The following YTHDF3 variants were observed in gnomAD, a reference collection of about 807,000 sequenced individuals.
YTHDF3 encodes YTH N6-methyladenosine RNA binding protein F3.
YTHDF3 carries 9 observed loss-of-function variants against 52.5 expected under a neutral mutation model. That is an observed-to-expected ratio of 0.17 (90% confidence interval 0.10 to 0.30). The LOEUF is 0.30. Among genes scored for constraint, YTHDF3 ranks in the 10% least tolerant of loss-of-function variants. The pLI is 1.00. For synonymous variants in YTHDF3, 274 were observed against 243.3 expected (o/e 1.13, Z -1.18); for missense variants, 534 against 715.0 (o/e 0.75, Z 2.89).
Position 63,201,483 on chromosome 8 carries a change from TA to T in YTHDF3, c.1735-8196del, listed in dbSNP as rs1156236528. Among the ~76,000 whole-genome samples the T allele has an allele frequency of 3.3e-5, 5 of 152,242 alleles. No homozygotes were observed. The East Asian group carries it at 9.6e-4, about 29-fold the overall frequency. On this transcript the variant is annotated intron_variant, in intron 4 of 4. Transcript: ENST00000539294. ...TCATTTCGTTAACAGTTAACATGCA[TA>T]AAATTGTACTTACTGTTGGTCTCTA... is the stretch of plus-strand genomic sequence containing the variant.
chr8:63,174,173 G>T (rs145951046), intron 2 of YTHDF3, among the ~76,000 whole-genome samples: 2 of 152,148 alleles, frequency 1.3e-5, no homozygotes, highest in African/African-American at 4.8e-5. Flanking sequence ...TGGTGATGTT[G>T]TACCTTTGAG....
intron 4 of YTHDF3, among the ~76,000 whole-genome samples, chr8:63,195,345 T>G (rs2150386183): frequency 6.6e-6 from 1 of 152,348 alleles, no homozygotes; most frequent in Admixed American, 6.5e-5. Context: ...TGATTTGTGT[T>G]GTTAGGAAGG....
chr8:63,175,455 C>G, intron 3 of YTHDF3, 39 bp downstream of exon 3: 1 of 1,464,180 alleles, frequency 6.8e-7, no homozygotes, highest in Non-Finnish European at 9.5e-7. Context: ...GGAAATTAAC[C>G]TTTTATTAGT....
intron 4 of YTHDF3, among the ~76,000 whole-genome samples, chr8:63,196,990 T>G (rs1435579866): frequency 6.6e-6 from 1 of 152,168 alleles, no homozygotes; most frequent in Non-Finnish European, 1.5e-5. Context: ...TGGCATTGTT[T>G]ATAGAGGATC....
chr8:63,209,667 G>GTTT lies in YTHDF3; in HGVS notation c.1735-6_1735-4dup, dbSNP rs55855007. Reference sequence around the variant, plus strand: ...ATTGTAATTCTTTTTGTGTGTGTGTGTTTTTTTTTTTTCAGGAGAGAAATA... The same window carrying GTTT: ...ATTGTAATTCTTTTTGTGTGTGTGTGTTTTTTTTTTTTTTTCAGGAGAGAAATA... On this transcript the variant is annotated splice_polypyrimidine_tract_variant and intron_variant, in intron 4 of 4. Coordinates refer to ENST00000539294, the MANE Select transcript of YTHDF3 (RefSeq NM_152758.6). 2.7e-5 allele frequency: 34 copies of GTTT among 1,249,182 alleles called. No homozygotes were observed. Among genetic ancestry groups the GTTT allele is most frequent in the South Asian group, 5.9e-5 (4 of 67,920 alleles). The allele number at this position is 1,249,182 out of a possible 1,614,324, so 77.4% of individuals were successfully genotyped here.
At chr8:63,172,959 A>T (rs1297128054) in intron 2 of YTHDF3, among the ~76,000 whole-genome samples, 1 of 152,014 alleles carries the variant, frequency 6.6e-6, no homozygotes, top group Admixed American at 6.6e-5. Context: ...TTTAAGATAC[A>T]CTTCCAAAAC....
chr8:63,188,255 C>T (rs1212784930), intron 4 of YTHDF3, among the ~76,000 whole-genome samples: 2 of 152,002 alleles, frequency 1.3e-5, no homozygotes, highest in Non-Finnish European at 2.9e-5. Context: ...CCTTAGACTC[C>T]CAAGTAGCTG....
intron 3 of YTHDF3, among the ~76,000 whole-genome samples, chr8:63,178,236 G>A (rs1807833452): frequency 6.6e-6 from 1 of 152,122 alleles, no homozygotes; most frequent in South Asian, 2.1e-4. Flanking sequence ...GAGGATTTCT[G>A]GTATTCCATA....
intron 4 of YTHDF3, among the ~76,000 whole-genome samples, chr8:63,198,792 A>G (rs1727624643): frequency 1.3e-5 from 2 of 152,056 alleles, no homozygotes; most frequent in Admixed American, 6.6e-5. Flanking sequence ...CCTTTGGTAA[A>G]TTTTTCTGTG....
At chr8:63,170,387 T>C (rs2129949927) in intron 2 of YTHDF3, among the ~76,000 whole-genome samples, 1 of 152,324 alleles carries the variant, frequency 6.6e-6, no homozygotes, top group African/African-American at 2.4e-5. Context: ...TTTAATAGGT[T>C]TTGGATATGT....
At chr8:63,191,279 A>G (rs1023087742) in intron 4 of YTHDF3, among the ~76,000 whole-genome samples, 4 of 152,118 alleles carry the variant, frequency 2.6e-5, no homozygotes, top group Middle Eastern at 3.2e-3. Context: ...AATGTCAACA[A>G]ATATGTTGAA....
intron 3 of YTHDF3, among the ~76,000 whole-genome samples, chr8:63,179,727 C>T (rs546964974): frequency 2.8e-4 from 43 of 152,372 alleles, no homozygotes; most frequent in African/African-American, 9.4e-4. Context: ...CTCAATGAGC[C>T]GCTGGGTACA....
At chr8:63,187,870 C>T in intron 4 of YTHDF3, 125 bp downstream of exon 4, 2 of 1,089,132 alleles carry the variant, frequency 1.8e-6, no homozygotes, top group Middle Eastern at 4.2e-4. Flanking sequence ...ACTCTACAAA[C>T]ACCCTTGAAG....
intron 3 of YTHDF3, among the ~76,000 whole-genome samples, chr8:63,178,893 G>GA (rs1401318942): frequency 6.6e-6 from 1 of 152,142 alleles, no homozygotes; most frequent in Non-Finnish European, 1.5e-5. Flanking sequence ...AAGATCTCAA[G>GA]AAGATACTGG....
chr8:63,202,478 T>G (rs1484143095), intron 4 of YTHDF3, among the ~76,000 whole-genome samples: 5 of 125,022 alleles, frequency 4.0e-5, no homozygotes, highest in Admixed American at 8.2e-5. Flanking sequence ...TTTTTTTTTT[T>G]GAGATGGAGT....
At chr8:63,176,650 A>G (rs1807710788) in intron 3 of YTHDF3, among the ~76,000 whole-genome samples, 1 of 150,276 alleles carries the variant, frequency 6.7e-6, no homozygotes, top group African/African-American at 2.5e-5. Context: ...GAATAATTTT[A>G]TGATTAATTT....
chr8:63,204,619 C>A (rs934654662), intron 4 of YTHDF3, among the ~76,000 whole-genome samples: 20 of 152,204 alleles, frequency 1.3e-4, no homozygotes, highest in African/African-American at 4.8e-4. Flanking sequence ...ACCTTGGCCT[C>A]CCAAAGTGTT....
At chr8:63,191,778 T>A (rs982446894) in intron 4 of YTHDF3, among the ~76,000 whole-genome samples, 1 of 152,208 alleles carries the variant, frequency 6.6e-6, no homozygotes, top group Non-Finnish European at 1.5e-5. Context: ...GATGTTTATC[T>A]TTCACTCAGC....
intron 2 of YTHDF3, among the ~76,000 whole-genome samples, chr8:63,170,210 T>C (rs1807221908): frequency 1.3e-5 from 2 of 152,160 alleles, no homozygotes; most frequent in Admixed American, 1.3e-4. Flanking sequence ...GCAAATTATA[T>C]ATAACATTTT....
Sources: allele counts gnomAD v4.1 joint callset (sites outside exome capture counted in the v4.1 genomes callset), GRCh38; gene constraint gnomAD v4.1.1; transcripts MANE v1.5; gene names NCBI Gene and HGNC (gene_info 2026-07-23, HGNC 2026-07-21).